The following THAP3 variants were observed in gnomAD, a reference collection of about 807,000 sequenced individuals.
The protein encoded by THAP3 is THAP domain-containing protein 3.
THAP3 carries 12 observed loss-of-function variants against 17.7 expected under a neutral mutation model. The observed-to-expected ratio is 0.68, with a 90% CI of 0.43 to 1.10. THAP3 has a LOEUF of 1.10. THAP3 is among the 50% of genes least tolerant of loss of function. THAP3 has a pLI of 0.00. For synonymous variants in THAP3, 133 were observed against 126.9 expected (o/e 1.05, Z -0.32); for missense variants, 289 against 318.0 (o/e 0.91, Z 0.69).
intron 2 of THAP3, among the ~76,000 whole-genome samples, chr1:6,626,668 T>A (rs1452493788): frequency 6.6e-6 from 1 of 152,090 alleles, no homozygotes; most frequent in East Asian, 1.9e-4. Context: ...TGAAACCCCG[T>A]CTCTACTTCT....
chr1:6,631,307 G>A (rs1036804636), intron 4 of THAP3, among the ~76,000 whole-genome samples: 3 of 151,522 alleles, frequency 2.0e-5, no homozygotes, highest in South Asian at 2.1e-4. Flanking sequence ...GGGAGCCACC[G>A]CACCTGGCCG....
downstream of THAP3, chr1:6,634,032 A>T: frequency 6.2e-7 from 1 of 1,613,604 alleles, no homozygotes; most frequent in Non-Finnish European, 8.5e-7. Context: ...AATGTTGTTT[A>T]ATGTAGAAAA....
downstream of THAP3, chr1:6,635,593 G>T: frequency 7.1e-7 from 1 of 1,412,818 alleles, no homozygotes; most frequent in African/African-American, 1.4e-5. Flanking sequence ...AACATCTGAT[G>T]TCTGGGTTTT....
At position 6,633,451 on chromosome 1, in the gene THAP3, G is replaced by A; in HGVS notation, c.*374G>A. 1 of 1,154,544 alleles carries A rather than the reference G, an allele frequency of 8.7e-7. No homozygotes were observed. The highest frequency in any genetic ancestry group is 1.1e-6 in the Non-Finnish European group (1 of 930,574). 71.5% of individuals were successfully genotyped at this position (1,154,544 alleles called of 1,614,324 possible). On this transcript the variant is annotated 3_prime_UTR_variant, in exon 6 of 6. Coordinates refer to ENST00000054650, the MANE Select transcript of THAP3 (RefSeq NM_001195753.2). ...GCCATGTGAGGGGGCTGGCTCTGTG[G>A]CGGGTGAGTGGTCCCCTCCTCCATC...
At chr1:6,624,986 T>G in intron 1 of THAP3, 32 bp downstream of exon 1, 1 of 543,028 alleles carries the variant, frequency 1.8e-6, no homozygotes, top group Non-Finnish European at 3.2e-6. Context: ...GGCTAGGAGT[T>G]GGGGTTTCGG....
In THAP3 at chr1:6,628,583, C is replaced by T. The variant is rs1641524566; in HGVS notation, c.159C>T (p.Val53=). The T allele has an allele frequency of 1.9e-6, 3 of 1,613,762 alleles. No individual in the cohort carries two copies. Among genetic ancestry groups the T allele is most frequent in the South Asian group, 1.1e-5 (1 of 91,070 alleles). ...ACTTCAAGCCCAAGCAGCACACGGTCATCTGCTCCGAGCACTTCCGGCCAG... is the reference window on the plus strand; with the variant it reads ...ACTTCAAGCCCAAGCAGCACACGGTTATCTGCTCCGAGCACTTCCGGCCAG... ...RGNFKPKQHT[V]ICSEHFRPEC... Residue 53 remains valine, a synonymous_variant, in exon 3 of 6, where the codon GTC becomes GTT. Transcript: ENST00000054650.
Position 6,625,141 on chromosome 1 carries a change from T to C in THAP3, c.-69-9T>C. ...CACCACCTCCCAGCGGCCCCGCCCC[T>C]CCCCGCAGGTCCCTCCCCTCTCCGC... On this transcript the variant is annotated splice_polypyrimidine_tract_variant and intron_variant, in intron 1 of 5. Coordinates refer to ENST00000054650, the MANE Select transcript of THAP3 (RefSeq NM_001195753.2). The C allele has an allele frequency of 1.1e-4, 83 of 764,730 alleles. No homozygotes were observed. The highest frequency in any genetic ancestry group is 4.1e-4 in the Middle Eastern group (1 of 2,430). The allele number at this position is 764,730 out of a possible 1,614,324, so 47.4% of individuals were successfully genotyped here.
rs1641668480 is a variant in THAP3 at position 6,632,993 on chromosome 1, G to A, written c.636G>A (p.Val212=). ...AGCGCTTGCAGGCCCAGAGGCTGGT[G>A]ATGCGAAGGATGTCCAGCCGCCTCC... ...LRKRLQAQRL[V]MRRMSSRLRA... The change falls in exon 6 of 6, where the codon GTG becomes GTA. Residue 212 remains valine (V), a synonymous_variant. Transcript: ENST00000054650. 1.2e-6 allele frequency: 2 copies of A among 1,612,822 alleles called. No homozygotes were observed. Among genetic ancestry groups the A allele is most frequent in the Non-Finnish European group, 1.7e-6 (2 of 1,179,870 alleles).
At position 6,633,539 on chromosome 1, in the gene THAP3, A is replaced by G; in HGVS notation, c.*462A>G. ...CTGTCCCGGCCTGGTGTGAGTGGGC[A>G]GTGTAATAAAGTGTCTTTCTATACG... On this transcript the variant is annotated 3_prime_UTR_variant, in exon 6 of 6. Transcript: ENST00000054650. 1 of 1,086,364 alleles carries G rather than the reference A, an allele frequency of 9.2e-7. No homozygotes were observed. The highest frequency in any genetic ancestry group is 1.1e-6 in the Non-Finnish European group (1 of 891,116). 67.3% of individuals were successfully genotyped at this position (1,086,364 alleles called of 1,614,324 possible).
chr1:6,628,820 T>A (rs1641532556), intron 3 of THAP3, 129 bp downstream of exon 3: 2 of 917,832 alleles, frequency 2.2e-6, no homozygotes, highest in African/African-American at 1.7e-5. Context: ...AACAGCACTG[T>A]CACGCCTCTG....
intron 2 of THAP3, 41 bp downstream of exon 2, chr1:6,625,333 G>A (rs1166172295): frequency 1.8e-5 from 27 of 1,499,022 alleles, no homozygotes; most frequent in Non-Finnish European, 2.4e-5. Flanking sequence ...GCCCAGACCC[G>A]GGGCCCGCGG....
At position 6,628,702 on chromosome 1, in the gene THAP3, A is replaced by G; in HGVS notation, c.267+11A>G. 1.2e-6 allele frequency: 2 copies of G among 1,609,074 alleles called. No homozygotes were observed. The highest frequency in any genetic ancestry group is 1.7e-6 in the Non-Finnish European group (2 of 1,177,944). On this transcript the variant is annotated intron_variant, in intron 3 of 5. Coordinates refer to ENST00000054650, the MANE Select transcript of THAP3 (RefSeq NM_001195753.2). ...CAGGACCCCACACAGGTAGGAGGGC[A>G]CTGCACCTTCCGTCTGGTCACATCC... is the stretch of plus-strand genomic sequence containing the variant.
chr1:6,630,244 A>G, intron 3 of THAP3, 44 bp from the exon 4 acceptor site: 1 of 1,576,594 alleles, frequency 6.3e-7, no homozygotes, highest in Admixed American at 1.7e-5. Flanking sequence ...CCGAGCTCTG[A>G]GGGTTCTTGG....
chr1:6,627,415 A>G (rs1641495558), intron 2 of THAP3, among the ~76,000 whole-genome samples: 1 of 152,222 alleles, frequency 6.6e-6, no homozygotes, highest in Non-Finnish European at 1.5e-5. Context: ...GCCCAGGTGG[A>G]GTGCAGTGGC....
At chr1:6,634,455 G>A, downstream of THAP3, 2 of 1,298,358 alleles carry the variant, frequency 1.5e-6, no homozygotes, top group Non-Finnish European at 2.0e-6. Flanking sequence ...TGGGGAGGGA[G>A]GCCTGACTTC....
At chr1:6,625,089 C>G (rs890268443) in intron 1 of THAP3, 61 bp from the exon 2 acceptor site, 4 of 1,048,322 alleles carry the variant, frequency 3.8e-6, no homozygotes, top group Non-Finnish European at 5.4e-6. Context: ...GCAGGATGAG[C>G]GCGCCCTGGA....
chr1:6,634,109 G>C (rs1641705286), downstream of THAP3: 1 of 1,608,006 alleles, frequency 6.2e-7, no homozygotes, highest in African/African-American at 1.3e-5. Context: ...GGAGGCCTCT[G>C]GGGAAGGGGT....
chr1:6,627,464 A>G (rs1013106352), intron 2 of THAP3, among the ~76,000 whole-genome samples: 10 of 152,224 alleles, frequency 6.6e-5, no homozygotes, highest in African/African-American at 2.4e-4. Context: ...TCCCTGGTTC[A>G]GGTGATTCTT....
rs1641680145 is a variant in THAP3, at chr1:6,633,306, C to G, written c.*229C>G. 2.1e-6 allele frequency: 3 copies of G among 1,410,476 alleles called. No homozygotes were observed. The highest frequency in any genetic ancestry group is 2.8e-6 in the Non-Finnish European group (3 of 1,085,252). 87.4% of individuals were successfully genotyped at this position (1,410,476 alleles called of 1,614,324 possible). A position where few individuals can be genotyped will look rare whatever the true frequency, so the allele number is the denominator to read the frequency against. Reference sequence around the variant, plus strand: ...AGTGCACATCTGTGAGCATGACAAGCTTATCCTCCCATGGTAACAGAAGTC... The same window carrying G: ...AGTGCACATCTGTGAGCATGACAAGGTTATCCTCCCATGGTAACAGAAGTC... On this transcript the variant is annotated 3_prime_UTR_variant, in exon 6 of 6. Coordinates refer to ENST00000054650, the MANE Select transcript of THAP3 (RefSeq NM_001195753.2).
Sources: allele counts gnomAD v4.1 joint callset (sites outside exome capture counted in the v4.1 genomes callset), GRCh38; gene constraint gnomAD v4.1.1; transcripts MANE v1.5; gene names NCBI Gene and HGNC (gene_info 2026-07-23, HGNC 2026-07-21).